Variants in SLC49A4 observed in about 807,000 individuals in gnomAD.
The protein encoded by SLC49A4 is solute carrier family 49 member 4.
SLC49A4 carries 36 observed loss-of-function variants against 50.6 expected under a neutral mutation model. The observed-to-expected ratio is 0.71, with a 90% CI of 0.55 to 0.94. The LOEUF (loss-of-function observed/expected upper bound fraction) is 0.94, where lower values mean the gene tolerates loss of function less well. Ranked by LOEUF, SLC49A4 falls within the 40% of genes least tolerant of loss-of-function variation. The pLI, the probability that SLC49A4 is intolerant of heterozygous loss-of-function variation, is 0.00. For synonymous variants in SLC49A4, 248 were observed against 241.2 expected (o/e 1.03, Z -0.26); for missense variants, 503 against 605.7 (o/e 0.83, Z 1.78).
At chr3:122,825,636 A>T (rs995513189) in intron 2 of SLC49A4, among the ~76,000 whole-genome samples, 2 of 118,262 alleles carry the variant, frequency 1.7e-5, no homozygotes, top group South Asian at 2.5e-4. Flanking sequence ...ATGGCAGTTT[A>T]AAAAAAAAAA....
At chr3:122,858,812 T>C (rs140139425) in intron 6 of SLC49A4, among the ~76,000 whole-genome samples, 2 of 152,150 alleles carry the variant, frequency 1.3e-5, no homozygotes, top group African/African-American at 2.4e-5. Flanking sequence ...AGCCAGAGGA[T>C]TGTGCCCGTA....
In SLC49A4 at chr3:122,880,958, C is replaced by T. The variant is rs979237006; in HGVS notation, c.*1580C>T. 3 of 152,124 alleles carry T rather than the reference C, an allele frequency of 2.0e-5. No homozygotes were observed. The allele number at this position is 152,124 out of a possible 1,614,324, so 9.4% of individuals were successfully genotyped here. A position where few individuals can be genotyped will look rare whatever the true frequency, so the allele number is the denominator to read the frequency against. ...TTGTGAAACTAGGGAAGTAAGAAAC[C>T]GTTCAAATTTAACATCTGTCTTCAG... On this transcript the variant is annotated 3_prime_UTR_variant, in exon 9 of 9. Transcript: ENST00000261038.
chr3:122,869,684 T>A (rs76998661), intron 7 of SLC49A4, among the ~76,000 whole-genome samples: 2,442 of 152,324 alleles, frequency 0.016, 33 homozygotes, highest in Middle Eastern at 0.054. Flanking sequence ...ATCAGCAATG[T>A]TTAACCACAA....
intron 4 of SLC49A4, among the ~76,000 whole-genome samples, chr3:122,838,644 C>G (rs1194867507): frequency 6.6e-6 from 1 of 151,840 alleles, no homozygotes; most frequent in Non-Finnish European, 1.5e-5. Context: ...CAACATGGCA[C>G]ATGTATACAT....
At chr3:122,820,735 G>T (rs1560203787) in intron 2 of SLC49A4, among the ~76,000 whole-genome samples, 1 of 152,230 alleles carries the variant, frequency 6.6e-6, no homozygotes, top group African/African-American at 2.4e-5. Flanking sequence ...CTAATCGAGG[G>T]CAGTGGGACT....
At chr3:122,813,438 A>G (rs1204652037) in intron 2 of SLC49A4, among the ~76,000 whole-genome samples, 1 of 152,120 alleles carries the variant, frequency 6.6e-6, no homozygotes, top group African/African-American at 2.4e-5. Context: ...ATACATGTGT[A>G]TCATCAGACT....
chr3:122,879,453 C>A lies in SLC49A4; in HGVS notation c.*75C>A. Reference sequence around the variant, plus strand: ...CACTGCACATTTGCTCAGAATTGCACATCTAACAGGAAAAGAGGGAGAAGA... The same window carrying A: ...CACTGCACATTTGCTCAGAATTGCAAATCTAACAGGAAAAGAGGGAGAAGA... On this transcript the variant is annotated 3_prime_UTR_variant, in exon 9 of 9. Coordinates refer to ENST00000261038, the MANE Select transcript of SLC49A4 (RefSeq NM_032839.3). The A allele has an allele frequency of 1.9e-6, 2 of 1,060,640 alleles. No individual in the cohort carries two copies. Among genetic ancestry groups the A allele is most frequent in the East Asian group, 2.5e-5 (1 of 39,584 alleles). The allele number at this position is 1,060,640 out of a possible 1,614,324, so 65.7% of individuals were successfully genotyped here. A position where few individuals can be genotyped will look rare whatever the true frequency, so the allele number is the denominator to read the frequency against.
At chr3:122,823,359 A>G (rs1051814479) in intron 2 of SLC49A4, among the ~76,000 whole-genome samples, 2 of 152,258 alleles carry the variant, frequency 1.3e-5, no homozygotes, top group African/African-American at 2.4e-5. Context: ...GGCCAGGGCC[A>G]GAGGTCAGAA....
chr3:122,809,596 T>A (rs1232812064), intron 2 of SLC49A4, among the ~76,000 whole-genome samples: 1 of 152,114 alleles, frequency 6.6e-6, no homozygotes, highest in Non-Finnish European at 1.5e-5. Flanking sequence ...TTTTCTTCTG[T>A]TTTGGGCCAT....
At chr3:122,833,478 G>C (rs756416478) in intron 4 of SLC49A4, 32 bp downstream of exon 4, 4 of 1,581,672 alleles carry the variant, frequency 2.5e-6, no homozygotes, top group Middle Eastern at 1.7e-4. Context: ...GGATGGCTTT[G>C]ACTGACACCT....
chr3:122,861,959 A>C (rs149124977), intron 7 of SLC49A4, among the ~76,000 whole-genome samples: 58 of 152,304 alleles, frequency 3.8e-4, no homozygotes, highest in African/African-American at 1.3e-3. Context: ...TATCTTTGCA[A>C]AGTAATTTTT....
chr3:122,812,523 C>G (rs1010492529), intron 2 of SLC49A4, among the ~76,000 whole-genome samples: 1 of 152,176 alleles, frequency 6.6e-6, no homozygotes, highest in African/African-American at 2.4e-5. Context: ...GATCCCAGGG[C>G]TCCAACCCAG....
chr3:122,833,594 A>G (rs920721808), intron 4 of SLC49A4, 148 bp downstream of exon 4: 3 of 746,304 alleles, frequency 4.0e-6, no homozygotes, highest in Non-Finnish European at 3.8e-6. Context: ...AATATTTTAG[A>G]TTTCCTACCA....
At chr3:122,854,692 C>A (rs769981768) in intron 5 of SLC49A4, among the ~76,000 whole-genome samples, 4 of 152,222 alleles carry the variant, frequency 2.6e-5, no homozygotes, top group Non-Finnish European at 5.9e-5. Flanking sequence ...CACATGGTCA[C>A]CTGTTCCAGC....
chr3:122,878,986 A>G lies in SLC49A4; in HGVS notation c.1322-277A>G, dbSNP rs78525031. ...AAGGTGATTGATTTTTTTTCTTTGA[A>G]GTAATTTATTTTGTAACCAAAGTCA... is the stretch of plus-strand genomic sequence containing the variant. On this transcript the variant is annotated intron_variant, in intron 8 of 8. Coordinates refer to ENST00000261038, the MANE Select transcript of SLC49A4 (RefSeq NM_032839.3). 0.04 allele frequency among the ~76,000 whole-genome samples: 6,071 copies of G among 152,252 alleles called. 150 individuals are homozygous for G. Among genetic ancestry groups the G allele is most frequent in the Middle Eastern group, 0.082 (24 of 294 alleles).
chr3:122,854,289 C>T (rs565670066), intron 5 of SLC49A4, among the ~76,000 whole-genome samples: 27 of 152,306 alleles, frequency 1.8e-4, no homozygotes, highest in African/African-American at 6.3e-4. Flanking sequence ...GCAGCAAACA[C>T]CAATAGAGCA....
intron 1 of SLC49A4, among the ~76,000 whole-genome samples, chr3:122,802,721 T>C (rs1331067831): frequency 6.6e-6 from 1 of 152,130 alleles, no homozygotes; most frequent in Non-Finnish European, 1.5e-5. Context: ...ATGAAAAATG[T>C]AATCAATGTG....
chr3:122,800,715 G>A (rs1393572241), intron 1 of SLC49A4, among the ~76,000 whole-genome samples: 3 of 152,148 alleles, frequency 2.0e-5, no homozygotes, highest in Non-Finnish European at 4.4e-5. Flanking sequence ...AGTAGTAACG[G>A]GAAAGAAGAT....
At chr3:122,847,350 ATT>A (rs56148238) in intron 5 of SLC49A4, among the ~76,000 whole-genome samples, 5 of 139,190 alleles carry the variant, frequency 3.6e-5, no homozygotes, top group Admixed American at 7.3e-5. Context: ...ACAGTGTACA[ATT>A]TTTTTTTTTT....
Sources: allele counts gnomAD v4.1 joint callset (sites outside exome capture counted in the v4.1 genomes callset), GRCh38; gene constraint gnomAD v4.1.1; transcripts MANE v1.5; gene names NCBI Gene and HGNC (gene_info 2026-07-23, HGNC 2026-07-21).